MAML2: variants seen among roughly 807,000 people sequenced by gnomAD.
The protein encoded by MAML2 is mastermind-like protein 2.
A neutral mutation model predicts 96.1 loss-of-function variants in MAML2; 22 were observed. The observed-to-expected ratio is 0.23, with a 90% CI of 0.16 to 0.33. MAML2 has a LOEUF of 0.33. Among genes scored for constraint, MAML2 ranks in the 10% least tolerant of loss-of-function variants. The pLI is 1.00. For missense variants in MAML2, 1,367 were observed against 1,392.4 expected (o/e 0.98, Z 0.29); for synonymous variants, 561 against 521.3 (o/e 1.08, Z -1.04).
intron 2 of MAML2, among the ~76,000 whole-genome samples, chr11:96,059,290 C>T (rs568362273): frequency 6.6e-6 from 1 of 152,248 alleles, no homozygotes; most frequent in East Asian, 1.9e-4. Context: ...ATTTATACTT[C>T]ATAATAGCAC....
intron 1 of MAML2, among the ~76,000 whole-genome samples, chr11:96,241,147 C>T (rs904488613): frequency 2.0e-5 from 3 of 152,200 alleles, no homozygotes; most frequent in Admixed American, 2.0e-4. Flanking sequence ...TATATATTTA[C>T]AAATGTCTTC....
At chr11:96,125,314 A>G (rs1860420007) in intron 1 of MAML2, among the ~76,000 whole-genome samples, 1 of 152,128 alleles carries the variant, frequency 6.6e-6, no homozygotes. Flanking sequence ...CCTGAGCCAC[A>G]CTGTGCAGAG....
At chr11:96,279,945 G>C (rs1863042113) in intron 1 of MAML2, among the ~76,000 whole-genome samples, 1 of 152,200 alleles carries the variant, frequency 6.6e-6, no homozygotes, top group East Asian at 1.9e-4. Context: ...TTCTCTATTT[G>C]AGTGAGTGCT....
chr11:96,337,935 G>A (rs772699107), intron 1 of MAML2, among the ~76,000 whole-genome samples: 4 of 152,198 alleles, frequency 2.6e-5, no homozygotes, highest in Non-Finnish European at 5.9e-5. Context: ...ACTTGTCCTA[G>A]GTAACCCAGA....
intron 1 of MAML2, among the ~76,000 whole-genome samples, chr11:96,138,411 T>C (rs932665259): frequency 6.6e-6 from 1 of 152,174 alleles, no homozygotes; most frequent in Admixed American, 6.5e-5. Flanking sequence ...AAGGAAGTTA[T>C]TTATGCCATC....
At chr11:96,125,628 G>A (rs1029665974) in intron 1 of MAML2, among the ~76,000 whole-genome samples, 24 of 152,122 alleles carry the variant, frequency 1.6e-4, no homozygotes, top group African/African-American at 5.6e-4. Flanking sequence ...TCTGCTCTCC[G>A]TGCCATGAAC....
chr11:96,299,044 C>CAA (rs71040142), intron 1 of MAML2, among the ~76,000 whole-genome samples: 66 of 80,768 alleles, frequency 8.2e-4, no homozygotes, highest in African/African-American at 2.7e-3. Context: ...GAGTCCATCT[C>CAA]AAAAAAAAAA....
intron 1 of MAML2, among the ~76,000 whole-genome samples, chr11:96,246,504 C>T (rs1426911528): frequency 1.3e-5 from 2 of 151,986 alleles, no homozygotes; most frequent in African/African-American, 2.4e-5. Flanking sequence ...AGATGGCATG[C>T]GATCTACCTC....
chr11:96,293,188 G>C (rs1184440680), intron 1 of MAML2, among the ~76,000 whole-genome samples: 2 of 152,156 alleles, frequency 1.3e-5, no homozygotes, highest in African/African-American at 4.8e-5. Context: ...CCTGTAATGT[G>C]CCAACTATCT....
At chr11:96,010,777 A>T (rs769104851) in intron 2 of MAML2, among the ~76,000 whole-genome samples, 7 of 152,210 alleles carry the variant, frequency 4.6e-5, no homozygotes, top group Admixed American at 2.0e-4. Flanking sequence ...TTGCCTGGGG[A>T]TAGTAAGCAT....
chr11:95,988,643 C>T (rs994515219), intron 3 of MAML2, among the ~76,000 whole-genome samples: 9 of 150,048 alleles, frequency 6.0e-5, no homozygotes, highest in Admixed American at 2.0e-4. Context: ...TTAAACTACT[C>T]GTTCACAAAT....
intron 3 of MAML2, among the ~76,000 whole-genome samples, chr11:95,991,225 A>G (rs1565182680): frequency 1.3e-5 from 2 of 152,290 alleles, no homozygotes; most frequent in Non-Finnish European, 2.9e-5. Context: ...GGGGAACAAC[A>G]CTGGTTTCTT....
intron 1 of MAML2, among the ~76,000 whole-genome samples, chr11:96,230,479 A>T (rs1862278309): frequency 6.6e-6 from 1 of 152,210 alleles, no homozygotes; most frequent in South Asian, 2.1e-4. Flanking sequence ...GAAATGTTAG[A>T]AGAACAAGGT....
intron 1 of MAML2, among the ~76,000 whole-genome samples, chr11:96,181,830 A>G (rs1861491545): frequency 7.8e-6 from 1 of 128,608 alleles, no homozygotes; most frequent in Non-Finnish European, 1.7e-5. Flanking sequence ...AGTGAAATGC[A>G]CGATCACTGA....
intron 1 of MAML2, among the ~76,000 whole-genome samples, chr11:96,258,841 CTTTT>C (rs1862707769): frequency 6.6e-6 from 1 of 152,088 alleles, no homozygotes; most frequent in Non-Finnish European, 1.5e-5. Context: ...ACTTTTGTTC[CTTTT>C]TATTTATTTG....
At position 96,202,742 on chromosome 11, in the gene MAML2, C is replaced by T. The variant is rs551312027; in HGVS notation, c.514-109225G>A. 2.6e-5 allele frequency among the ~76,000 whole-genome samples: 4 copies of T among 151,932 alleles called. No individual in the cohort carries two copies. The South Asian group carries it at 8.3e-4, about 32-fold the overall frequency. ...TCCCGGGTTCAAGCGATTCTCCTGT[C>T]CTTAGCCTCCCGAGTAGCTGGGATT... On this transcript the variant is annotated intron_variant, in intron 1 of 4. Coordinates refer to ENST00000524717, the MANE Select transcript of MAML2 (RefSeq NM_032427.4).
At chr11:96,267,079 A>G (rs572527400) in intron 1 of MAML2, among the ~76,000 whole-genome samples, 1 of 152,336 alleles carries the variant, frequency 6.6e-6, no homozygotes, top group South Asian at 2.1e-4. Flanking sequence ...TGTAAAACCT[A>G]GGAGAAAATA....
chr11:96,136,640 T>G (rs942590844), intron 1 of MAML2, among the ~76,000 whole-genome samples: 1 of 152,246 alleles, frequency 6.6e-6, no homozygotes. Context: ...ATGGTAGGTA[T>G]TTATTTAACT....
chr11:96,139,702 C>G (rs1860702041), intron 1 of MAML2, among the ~76,000 whole-genome samples: 1 of 152,072 alleles, frequency 6.6e-6, no homozygotes, highest in Non-Finnish European at 1.5e-5. Context: ...TACTCATAAT[C>G]ATTTTGGTCA....
Sources: gnomAD v4.1 joint callset for allele counts (sites outside exome capture counted in the v4.1 genomes callset) on GRCh38, gnomAD v4.1.1 for gene constraint, MANE v1.5 for transcripts, NCBI Gene and HGNC (gene_info 2026-07-23, HGNC 2026-07-21) for gene names.